SLC24A3: variants seen among roughly 807,000 people sequenced by gnomAD.
SLC24A3 encodes sodium/potassium/calcium exchanger 3.
SLC24A3 carries 28 observed loss-of-function variants against 75.8 expected under a neutral mutation model. That is an observed-to-expected ratio of 0.37 (90% CI 0.27 to 0.51). The LOEUF (loss-of-function observed/expected upper bound fraction) is 0.51, where lower values mean the gene tolerates loss of function less well. Ranked by LOEUF, SLC24A3 falls within the 20% of genes least tolerant of loss-of-function variation. The pLI, the probability that SLC24A3 is intolerant of heterozygous loss-of-function variation, is 0.94. For synonymous variants in SLC24A3, 372 were observed against 334.1 expected, an observed-to-expected ratio of 1.11 and a Z score of -1.24; for missense variants, 663 against 847.8, an observed-to-expected ratio of 0.78 and a Z score of 2.71.
chr20:19,468,534 A>G (rs1376106738), intron 2 of SLC24A3, among the ~76,000 whole-genome samples: 1 of 152,158 alleles, frequency 6.6e-6, no homozygotes, highest in Non-Finnish European at 1.5e-5. Context: ...TTTCTTCCAA[A>G]TATAAGGCAA....
At chr20:19,483,473 A>G (rs575701547) in intron 2 of SLC24A3, among the ~76,000 whole-genome samples, 2 of 152,316 alleles carry the variant, frequency 1.3e-5, no homozygotes, top group South Asian at 2.1e-4. Context: ...TTGTGTGTGT[A>G]TGTGGTAACT....
In SLC24A3 at chr20:19,568,710, C is replaced by A. The variant is rs1200323245; in HGVS notation, c.349-11290C>A. 2.0e-5 allele frequency among the ~76,000 whole-genome samples: 3 copies of A among 152,226 alleles called. No homozygotes were observed. In the East Asian group the frequency reaches 5.8e-4, roughly 29 times the overall value. On this transcript the variant is annotated intron_variant, in intron 3 of 16. Transcript: ENST00000328041. ...TGATGGTTTCATGGCATGAATGCACCACTGAACTGTAGATTTTAAAATTAT... is the reference window on the plus strand; with the variant it reads ...TGATGGTTTCATGGCATGAATGCACAACTGAACTGTAGATTTTAAAATTAT...
At chr20:19,618,826 C>T (rs1231903353) in intron 6 of SLC24A3, among the ~76,000 whole-genome samples, 1 of 152,214 alleles carries the variant, frequency 6.6e-6, no homozygotes, top group Admixed American at 6.5e-5. Context: ...CAAGGCATAG[C>T]CCTTTCATGC....
chr20:19,672,869 C>T (rs531320996), intron 8 of SLC24A3, among the ~76,000 whole-genome samples: 13 of 152,160 alleles, frequency 8.5e-5, no homozygotes, highest in Non-Finnish European at 1.3e-4. Context: ...CTGGAGTTTC[C>T]TCATCTGACC....
chr20:19,417,089 C>T (rs1288690263), intron 2 of SLC24A3, among the ~76,000 whole-genome samples: 6 of 152,010 alleles, frequency 3.9e-5, no homozygotes, highest in East Asian at 1.9e-4. Context: ...ACACAAAGGC[C>T]GATGGCAGGG....
chr20:19,707,281 G>T, intron 15 of SLC24A3, among the ~76,000 whole-genome samples: 1 of 152,156 alleles, frequency 6.6e-6, no homozygotes, highest in South Asian at 2.1e-4. Flanking sequence ...ACCTATTACA[G>T]GGAGAGGAGG....
At chr20:19,475,913 TGAGTA>T (rs1987954780) in intron 2 of SLC24A3, among the ~76,000 whole-genome samples, 1 of 152,178 alleles carries the variant, frequency 6.6e-6, no homozygotes, top group Non-Finnish European at 1.5e-5. Context: ...ACCAAACCAA[TGAGTA>T]GTGTGAAGGA....
intron 1 of SLC24A3, among the ~76,000 whole-genome samples, chr20:19,269,791 G>A (rs1983270530): frequency 6.6e-6 from 1 of 152,102 alleles, no homozygotes; most frequent in African/African-American, 2.4e-5. Flanking sequence ...AGGTGAGGTG[G>A]GCACACAATT....
chr20:19,509,839 T>C (rs1988511272), intron 2 of SLC24A3, among the ~76,000 whole-genome samples: 1 of 152,206 alleles, frequency 6.6e-6, no homozygotes, highest in Non-Finnish European at 1.5e-5. Context: ...AAAAGGCAAA[T>C]TGAGTCCCAG....
intron 3 of SLC24A3, among the ~76,000 whole-genome samples, chr20:19,538,246 A>C (rs1465893629): frequency 1.3e-5 from 2 of 152,144 alleles, no homozygotes; most frequent in Non-Finnish European, 2.9e-5. Flanking sequence ...GCTTGTGTAG[A>C]AACATCAAAA....
chr20:19,510,967 G>A (rs1192435470), intron 2 of SLC24A3, among the ~76,000 whole-genome samples: 1 of 152,212 alleles, frequency 6.6e-6, no homozygotes, highest in Non-Finnish European at 1.5e-5. Flanking sequence ...GGCTTGGCCA[G>A]TGCAGGGCTG....
intron 2 of SLC24A3, among the ~76,000 whole-genome samples, chr20:19,411,001 C>T (rs1986735034): frequency 6.6e-6 from 1 of 152,184 alleles, no homozygotes; most frequent in South Asian, 2.1e-4. Flanking sequence ...TAATGCTGTT[C>T]TGCTTTCCTT....
chr20:19,413,682 G>A (rs1986783433), intron 2 of SLC24A3, among the ~76,000 whole-genome samples: 1 of 152,186 alleles, frequency 6.6e-6, no homozygotes, highest in African/African-American at 2.4e-5. Context: ...TCTAAAACAG[G>A]TAAGCAGAAG....
chr20:19,436,644 T>C (rs899395327), intron 2 of SLC24A3, among the ~76,000 whole-genome samples: 4 of 152,346 alleles, frequency 2.6e-5, no homozygotes, highest in African/African-American at 9.6e-5. Flanking sequence ...TATTCATGTA[T>C]CTGCTTTCAC....
chr20:19,721,098 C>G lies in SLC24A3; in HGVS notation c.1893C>G (p.Asn631Lys). The change falls in exon 17 of 17, where the codon AAC becomes AAG. Residue 631 changes from asparagine to lysine, a missense_variant. By Grantham distance (94) the Asn-to-Lys change is moderately conservative. Coordinates refer to ENST00000328041, the MANE Select transcript of SLC24A3 (RefSeq NM_020689.4). ...GCTTCTCCATCATGACTGAGTTCAA[C>G]GTGTTCACCTTTGTGAACCTGCCCA... ...FLCFSIMTEF[N>K]VFTFVNLPMC... is the part of the protein sequence containing the mutation. The G allele has an allele frequency of 6.2e-7, 1 of 1,614,138 alleles. No individual in the cohort carries two copies. The highest frequency in any genetic ancestry group is 8.5e-7 in the Non-Finnish European group (1 of 1,180,016).
At chr20:19,686,796 A>G (rs139297244) in intron 12 of SLC24A3, among the ~76,000 whole-genome samples, 1 of 152,154 alleles carries the variant, frequency 6.6e-6, no homozygotes, top group African/African-American at 2.4e-5. Flanking sequence ...GAAAATATTC[A>G]TCCAGATTCC....
chr20:19,269,228 T>A (rs1983254085), intron 1 of SLC24A3, among the ~76,000 whole-genome samples: 1 of 152,242 alleles, frequency 6.6e-6, no homozygotes, highest in African/African-American at 2.4e-5. Context: ...TATGGGACAT[T>A]CCCATCACTG....
At chr20:19,424,187 C>T (rs553776432) in intron 2 of SLC24A3, among the ~76,000 whole-genome samples, 15 of 152,040 alleles carry the variant, frequency 9.9e-5, no homozygotes, top group Non-Finnish European at 1.6e-4. Context: ...TTCCTGGGTC[C>T]GGGAGCATAG....
chr20:19,652,272 A>G (rs1287179584), intron 6 of SLC24A3, among the ~76,000 whole-genome samples: 1 of 152,226 alleles, frequency 6.6e-6, no homozygotes, highest in African/African-American at 2.4e-5. Context: ...TATGTACTCA[A>G]TCTGTCGTCG....
Sources: gnomAD v4.1 joint callset for allele counts (sites outside exome capture counted in the v4.1 genomes callset) on GRCh38, gnomAD v4.1.1 for gene constraint, MANE v1.5 for transcripts, NCBI Gene and HGNC (gene_info 2026-07-23, HGNC 2026-07-21) for gene names.